Variants in HK2 observed in about 807,000 individuals in gnomAD.
The protein encoded by HK2 is hexokinase-2.
A neutral mutation model predicts 92.9 loss-of-function variants in HK2; 42 were observed. The ratio of observed to expected loss-of-function variants is 0.45; its 90% CI spans 0.35 to 0.58. The LOEUF is 0.58. HK2 is among the 20% of genes least tolerant of loss of function. The pLI is 0.00. For synonymous variants in HK2, 422 were observed against 468.0 expected (o/e 0.90, Z 1.27); for missense variants, 978 against 1,245.1 (o/e 0.79, Z 3.23).
At position 74,849,340 on chromosome 2, in the gene HK2, A is replaced by G. The variant is rs117665672; in HGVS notation, c.64-4953A>G. On this transcript the variant is annotated intron_variant, in intron 1 of 17. Transcript: ENST00000290573. Reference sequence around the variant, plus strand: ...AACTGAAACTGACCAAAATTACCCAATGAGGAAGCTCTGATCTAACCCTTG... The same window carrying G: ...AACTGAAACTGACCAAAATTACCCAGTGAGGAAGCTCTGATCTAACCCTTG... Among the ~76,000 whole-genome samples, 4 of 152,344 alleles carry G rather than the reference A, an allele frequency of 2.6e-5. No homozygotes were observed. The East Asian group carries it at 5.8e-4, about 22-fold the overall frequency.
intron 1 of HK2, among the ~76,000 whole-genome samples, chr2:74,841,346 T>C (rs1047365812): frequency 1.6e-4 from 24 of 151,826 alleles, no homozygotes; most frequent in African/African-American, 5.6e-4. Flanking sequence ...AAGCAGAGGC[T>C]AGGAATGTTG....
chr2:74,849,290 T>C (rs1688513627), intron 1 of HK2, among the ~76,000 whole-genome samples: 1 of 152,228 alleles, frequency 6.6e-6, no homozygotes, highest in South Asian at 2.1e-4. Flanking sequence ...GAAGTGGGCA[T>C]GTCAGACTGG....
intron 16 of HK2, 103 bp from the exon 17 acceptor site, chr2:74,889,142 G>C: frequency 1.1e-6 from 1 of 921,010 alleles, no homozygotes; most frequent in African/African-American, 1.6e-5. Context: ...TGGAGAGCTA[G>C]ACCCCCACAG....
chr2:74,872,344 G>A lies in HK2; in HGVS notation c.420G>A (p.Lys140=). ...IAECLANFMD[K]LQIKDKKLPL... Reference sequence around the variant, plus strand: ...AATGCCTGGCTAACTTCATGGATAAGCTACAAATCAAAGACAAGAAGCTCC... The same window carrying A: ...AATGCCTGGCTAACTTCATGGATAAACTACAAATCAAAGACAAGAAGCTCC... Residue 140 remains lysine, a synonymous_variant, in exon 4 of 18, where the codon AAG becomes AAA. Transcript: ENST00000290573. 1 of 1,614,038 alleles carries A rather than the reference G, an allele frequency of 6.2e-7. No individual in the cohort carries two copies. The highest frequency in any genetic ancestry group is 8.5e-7 in the Non-Finnish European group (1 of 1,179,950).
chr2:74,874,075 G>A lies in HK2; in HGVS notation c.691+132G>A, dbSNP rs1011069380. 6 of 961,582 alleles carry A rather than the reference G, an allele frequency of 6.2e-6. No individual in the cohort carries two copies. The African/African-American group carries it at 6.5e-5, about 10-fold the overall frequency. The allele number at this position is 961,582 out of a possible 1,614,324, so 59.6% of individuals were successfully genotyped here. A position where few individuals can be genotyped will look rare whatever the true frequency, so the allele number is the denominator to read the frequency against. On this transcript the variant is annotated intron_variant, in intron 6 of 17. Transcript: ENST00000290573. ...TAGAAGATAATGGTCCAGTCACTTT[G>A]GAGAGCCGAGCAGGGACTCATGGAG...
chr2:74,847,513 A>G (rs1688469855), intron 1 of HK2, among the ~76,000 whole-genome samples: 1 of 152,136 alleles, frequency 6.6e-6, no homozygotes, highest in African/African-American at 2.4e-5. Flanking sequence ...CTCTGTCTCT[A>G]CAGAAAAAAT....
At chr2:74,855,477 C>T (rs1036080631) in intron 2 of HK2, among the ~76,000 whole-genome samples, 2 of 152,168 alleles carry the variant, frequency 1.3e-5, no homozygotes, top group African/African-American at 2.4e-5. Flanking sequence ...ACCTCGTACC[C>T]GCCCACCTCG....
At chr2:74,878,586 G>A (rs1048644749) in intron 8 of HK2, 102 bp from the exon 9 acceptor site, 2 of 887,132 alleles carry the variant, frequency 2.3e-6, no homozygotes, top group African/African-American at 3.3e-5. Flanking sequence ...CCACTGGGTG[G>A]TGAATTTGCT....
chr2:74,888,129 T>C, intron 16 of HK2, 71 bp downstream of exon 16: 9 of 1,516,188 alleles, frequency 5.9e-6, no homozygotes, highest in Non-Finnish European at 8.2e-6. Context: ...AACTGAAGGA[T>C]TTCCATAACT....
intron 1 of HK2, among the ~76,000 whole-genome samples, chr2:74,853,572 C>G (rs1046298991): frequency 6.7e-6 from 1 of 149,820 alleles, no homozygotes; most frequent in Non-Finnish European, 1.5e-5. Context: ...ACAAAATTAG[C>G]CAGACATGGT....
intron 3 of HK2, among the ~76,000 whole-genome samples, chr2:74,871,601 C>T (rs1186001277): frequency 6.6e-6 from 1 of 152,154 alleles, no homozygotes; most frequent in Non-Finnish European, 1.5e-5. Flanking sequence ...TGCGTGCGGT[C>T]ACGGTTGTGA....
Position 74,834,227 on chromosome 2 carries a change from G to A in HK2, c.-354G>A. 2.5e-6 allele frequency: 1 copy of A among 400,306 alleles called. No individual in the cohort carries two copies. The highest frequency in any genetic ancestry group is 4.8e-6 in the Non-Finnish European group (1 of 209,852). 24.8% of individuals were successfully genotyped at this position (400,306 alleles called of 1,614,324 possible). Reference sequence around the variant, plus strand: ...CCGCGGGCCCGAGCCACGCGCCTGTGAATCGGAGAGGTCCCACTGCCCGAG... The same window carrying A: ...CCGCGGGCCCGAGCCACGCGCCTGTAAATCGGAGAGGTCCCACTGCCCGAG... On this transcript the variant is annotated 5_prime_UTR_variant, in exon 1 of 18. Coordinates refer to ENST00000290573, the MANE Select transcript of HK2 (RefSeq NM_000189.5). This position sits in a 1 kb window ranked among gnomAD's most constrained non-coding sequence, Gnocchi z 4.2.
rs570155526 is a variant in HK2 at position 74,892,378 on chromosome 2, A to G, written c.*1437A>G. The G allele has an allele frequency of 6.6e-5, 10 of 152,288 alleles. No homozygotes were observed. The highest frequency in any genetic ancestry group is 6.8e-3 in the Middle Eastern group (2 of 294). The allele number at this position is 152,288 out of a possible 1,614,324, so 9.4% of individuals were successfully genotyped here. A position where few individuals can be genotyped will look rare whatever the true frequency, so the allele number is the denominator to read the frequency against. ...GTTTCACCTTGGGTTTGTATTTTAAATGTTTTACAAGAATTGTCCATGTGC... is the reference window on the plus strand; with the variant it reads ...GTTTCACCTTGGGTTTGTATTTTAAGTGTTTTACAAGAATTGTCCATGTGC... On this transcript the variant is annotated 3_prime_UTR_variant, in exon 18 of 18. Transcript: ENST00000290573.
rs1267291633 is a variant in HK2 at position 74,867,657 on chromosome 2, T to A, written c.248T>A (p.Leu83Gln). ...DGTEHGEFLA[L>Q]DLGGTNFRVL... Reference sequence around the variant, plus strand: ...GCAGAACACGGAGAGTTCCTGGCTCTGGATCTTGGAGGGACCAACTTCCGT... The same window carrying A: ...GCAGAACACGGAGAGTTCCTGGCTCAGGATCTTGGAGGGACCAACTTCCGT... The change falls in exon 3 of 18, where the codon CTG becomes CAG. Residue 83 changes from leucine (L) to glutamine (Q), a missense_variant. Around this residue, in one of 3 missense-constraint regions of HK2, gnomAD observed 189 missense variants for 289.5 expected, o/e 0.65. Coordinates refer to ENST00000290573, the MANE Select transcript of HK2 (RefSeq NM_000189.5). The A allele has an allele frequency of 6.2e-7, 1 of 1,613,622 alleles. No homozygotes were observed. The highest frequency in any genetic ancestry group is 8.5e-7 in the Non-Finnish European group (1 of 1,180,020).
intron 16 of HK2, 59 bp downstream of exon 16, chr2:74,888,117 C>T: frequency 1.3e-6 from 2 of 1,559,998 alleles, no homozygotes; most frequent in Admixed American, 1.7e-5. Context: ...CACTGGCAGA[C>T]AAACTGAAGG....
intron 3 of HK2, among the ~76,000 whole-genome samples, chr2:74,868,560 T>C (rs1012337722): frequency 6.6e-6 from 1 of 152,220 alleles, no homozygotes; most frequent in Non-Finnish European, 1.5e-5. Context: ...AATCTAGTAC[T>C]CTTCGTGTTT....
chr2:74,881,894 G>A (rs762995243), intron 11 of HK2, 35 bp downstream of exon 11: 1 of 1,610,440 alleles, frequency 6.2e-7, no homozygotes, highest in South Asian at 1.1e-5. Context: ...GGGGGCCCCT[G>A]GTGGACGTCA....
chr2:74,852,983 T>C (rs564660431), intron 1 of HK2, among the ~76,000 whole-genome samples: 1 of 152,270 alleles, frequency 6.6e-6, no homozygotes, highest in Admixed American at 6.5e-5. Flanking sequence ...AAATTGTGGA[T>C]AGTGTTGCGA....
intron 3 of HK2, among the ~76,000 whole-genome samples, chr2:74,870,333 A>C (rs1187565138): frequency 3.9e-5 from 6 of 152,156 alleles, no homozygotes; most frequent in Non-Finnish European, 7.3e-5. Flanking sequence ...TAATTAATTG[A>C]CATAGCCACA....
Sources: gnomAD v4.1 joint callset for allele counts (sites outside exome capture counted in the v4.1 genomes callset) on GRCh38, gnomAD v4.1.1 for gene constraint, gnomAD v4.1.1 regional missense constraint, Gnocchi (gnomAD v3.1) non-coding constraint, MANE v1.5 for transcripts, NCBI Gene and HGNC (gene_info 2026-07-23, HGNC 2026-07-21) for gene names.